The following PDGFD variants were observed in gnomAD, a reference collection of about 807,000 sequenced individuals.
PDGFD encodes the protein platelet-derived growth factor D.
In PDGFD, 30 loss-of-function variants were observed where a neutral mutation model predicts 44.7. That is an observed-to-expected ratio of 0.67 (90% CI 0.50 to 0.91). PDGFD has a LOEUF of 0.91. Among genes scored for constraint, PDGFD ranks in the 40% least tolerant of loss-of-function variants. PDGFD has a pLI of 0.00. For synonymous variants in PDGFD, 173 were observed against 168.4 expected (o/e 1.03, Z -0.21); for missense variants, 445 against 457.8 (o/e 0.97, Z 0.25).
intron 1 of PDGFD, among the ~76,000 whole-genome samples, chr11:104,095,399 C>T (rs1293836063): frequency 6.6e-6 from 1 of 151,990 alleles, no homozygotes; most frequent in Non-Finnish European, 1.5e-5. Context: ...CCACTCATTC[C>T]ACTGAAGTAG....
Position 104,163,891 on chromosome 11 carries a change from C to T in PDGFD, c.37G>A (p.Ala13Thr), listed in dbSNP as rs199526521. Residue 13 changes from alanine to threonine, a missense_variant, in exon 1 of 7, where the codon GCA (alanine) becomes ACA (threonine). Ala to Thr is a moderately conservative substitution (Grantham distance 58). Transcript: ENST00000393158. ...GTGTCCCGACAGCTGCAAAAGTTTG[C>T]GCAGATTAGAGTGTAGACAAAGATG... ...RLIFVYTLIC[A>T]NFCSCRDTSA... 1.7e-5 allele frequency: 26 copies of T among 1,574,428 alleles called. No homozygotes were observed. The highest frequency in any genetic ancestry group is 1.7e-5 in the Non-Finnish European group (19 of 1,151,148).
chr11:103,980,961 G>A (rs758928087), intron 3 of PDGFD, among the ~76,000 whole-genome samples: 1 of 152,040 alleles, frequency 6.6e-6, no homozygotes, highest in Non-Finnish European at 1.5e-5. Flanking sequence ...AAGGTACTTT[G>A]TTATAATAGC....
intron 1 of PDGFD, among the ~76,000 whole-genome samples, chr11:104,047,608 T>G (rs540565276): frequency 6.8e-6 from 1 of 147,434 alleles, no homozygotes; most frequent in East Asian, 2.0e-4. Flanking sequence ...CATTATTTTT[T>G]AAAAAAATAA....
chr11:104,012,995 G>A (rs569231457), intron 1 of PDGFD, among the ~76,000 whole-genome samples: 24 of 152,290 alleles, frequency 1.6e-4, no homozygotes, highest in African/African-American at 5.1e-4. Flanking sequence ...ATACCCAAAT[G>A]TTGCTCTTTC....
Position 104,139,752 on chromosome 11 carries a change from T to TA in PDGFD, c.124+24051dup, listed in dbSNP as rs373095377. 8.4e-5 allele frequency among the ~76,000 whole-genome samples: 7 copies of TA among 83,540 alleles called. 2 individuals are homozygous for TA. Among genetic ancestry groups the TA allele is most frequent in the Admixed American group, 2.2e-4 (2 of 9,118 alleles). 54.8% of individuals were successfully genotyped at this position (83,540 alleles called of 152,430 possible). A position where few individuals can be genotyped will look rare whatever the true frequency, so the allele number is the denominator to read the frequency against. ...TGGGTTCTTGTCATGTCTTAATAAA[T>TA]AACGGCCGGGCGCGGTGGCTCACGC... On this transcript the variant is annotated intron_variant, in intron 1 of 6. Coordinates refer to ENST00000393158, the MANE Select transcript of PDGFD (RefSeq NM_025208.5).
Position 103,943,568 on chromosome 11 carries a change from G to C in PDGFD, c.656C>G (p.Thr219Arg). The C allele has an allele frequency of 2.5e-6, 4 of 1,613,288 alleles. No homozygotes were observed. In the South Asian group the frequency reaches 3.3e-5, roughly 13 times the overall value. Residue 219 changes from threonine (T) to arginine (R), a missense_variant, in exon 5 of 7, where the codon ACA becomes AGA. Transcript: ENST00000393158. ...GAAGTACTTGAGCAGATCTTCCACT[G>C]TATCAAATTCTGCAATTTTTTTGTC... ...ALDKKIAEFD[T>R]VEDLLKYFNP...
chr11:104,003,097 C>T lies in PDGFD; in HGVS notation c.125-2842G>A, dbSNP rs866728070. On this transcript the variant is annotated intron_variant, in intron 1 of 6. Transcript: ENST00000393158. ...TTAAAGAATGGTTCTTGTCTTCGTA[C>T]ACTTGGAAAAAAAAGTTGATGCATA... Among the ~76,000 whole-genome samples, 44 of 152,058 alleles carry T rather than the reference C, an allele frequency of 2.9e-4. 3 individuals are homozygous for T.
intron 1 of PDGFD, among the ~76,000 whole-genome samples, chr11:104,049,711 C>G (rs192047074): frequency 6.6e-6 from 1 of 152,166 alleles, no homozygotes; most frequent in African/African-American, 2.4e-5. Flanking sequence ...AAAATCATGC[C>G]TGGAAGGCCA....
chr11:103,922,759 T>G (rs1858245220), intron 6 of PDGFD, among the ~76,000 whole-genome samples: 1 of 152,128 alleles, frequency 6.6e-6, no homozygotes, highest in South Asian at 2.1e-4. Flanking sequence ...ATTTTTTTTT[T>G]AGAGATGGGG....
At chr11:103,935,999 T>G (rs932488524) in intron 5 of PDGFD, among the ~76,000 whole-genome samples, 1 of 152,168 alleles carries the variant, frequency 6.6e-6, no homozygotes. Flanking sequence ...TTGCTCTATT[T>G]CTATTAAATT....
At chr11:104,022,697 T>C (rs1410723100) in intron 1 of PDGFD, among the ~76,000 whole-genome samples, 4 of 151,818 alleles carry the variant, frequency 2.6e-5, no homozygotes, top group African/African-American at 7.2e-5. Context: ...TTAGAAAATA[T>C]TATATATGTA....
chr11:103,983,992 G>C (rs778871174), intron 3 of PDGFD, among the ~76,000 whole-genome samples: 1 of 151,652 alleles, frequency 6.6e-6, no homozygotes, highest in East Asian at 1.9e-4. Flanking sequence ...AGAAGACAGT[G>C]TGGTGACTCC....
At chr11:104,091,445 G>A (rs531488923) in intron 1 of PDGFD, among the ~76,000 whole-genome samples, 2 of 152,122 alleles carry the variant, frequency 1.3e-5, no homozygotes, top group East Asian at 3.9e-4. Context: ...ACTGGATCAG[G>A]AAACACTTTA....
At chr11:103,984,012 T>G (rs551463059) in intron 3 of PDGFD, among the ~76,000 whole-genome samples, 2 of 151,824 alleles carry the variant, frequency 1.3e-5, no homozygotes, top group African/African-American at 4.9e-5. Flanking sequence ...CTCAATGGCC[T>G]AAAGACAGAA....
chr11:103,942,855 T>C lies in PDGFD; in HGVS notation c.772+597A>G, dbSNP rs75090706. ...TCATTGCTAACTAACCACACAGACA[T>C]TGGCAAATTACTTACTTCCTCTGAC... is the stretch of plus-strand genomic sequence containing the variant. On this transcript the variant is annotated intron_variant, in intron 5 of 6. Coordinates refer to ENST00000393158, the MANE Select transcript of PDGFD (RefSeq NM_025208.5). 8.7e-3 allele frequency among the ~76,000 whole-genome samples: 1,331 copies of C among 152,234 alleles called. 20 individuals carry two copies. The highest frequency in any genetic ancestry group is 0.031 in the African/African-American group (1,271 of 41,552).
At chr11:104,040,799 T>C (rs1439799975) in intron 1 of PDGFD, among the ~76,000 whole-genome samples, 2 of 152,020 alleles carry the variant, frequency 1.3e-5, no homozygotes, top group Non-Finnish European at 2.9e-5. Flanking sequence ...TATGTATTTC[T>C]ATCTCTCTAT....
intron 1 of PDGFD, among the ~76,000 whole-genome samples, chr11:104,150,889 A>G (rs1862234322): frequency 6.6e-6 from 1 of 152,242 alleles, no homozygotes; most frequent in Admixed American, 6.5e-5. Flanking sequence ...TTGCATATAA[A>G]GTAACATTTA....
chr11:104,040,884 T>C (rs1591135249), intron 1 of PDGFD, among the ~76,000 whole-genome samples: 1 of 152,058 alleles, frequency 6.6e-6, no homozygotes, highest in Non-Finnish European at 1.5e-5. Flanking sequence ...TTCTTAGTCT[T>C]ACTTTTTAAA....
chr11:104,041,851 A>G (rs369542691), intron 1 of PDGFD, among the ~76,000 whole-genome samples: 2 of 152,244 alleles, frequency 1.3e-5, no homozygotes, highest in African/African-American at 4.8e-5. Flanking sequence ...GTTTGCAGGT[A>G]TAAATTCATC....
Sources: allele counts gnomAD v4.1 joint callset (sites outside exome capture counted in the v4.1 genomes callset), GRCh38; gene constraint gnomAD v4.1.1; transcripts MANE v1.5; gene names NCBI Gene and HGNC (gene_info 2026-07-23, HGNC 2026-07-21).